Variants in SPATS2 observed in about 807,000 individuals in gnomAD.
SPATS2 encodes the protein spermatogenesis associated serine rich 2.
A neutral mutation model predicts 63.7 loss-of-function variants in SPATS2; 38 were observed. That is an observed-to-expected ratio of 0.60 (90% CI 0.46 to 0.78). The LOEUF (loss-of-function observed/expected upper bound fraction) is 0.78, where lower values mean the gene tolerates loss of function less well. SPATS2 is among the 30% of genes least tolerant of loss of function. SPATS2 has a pLI of 0.00. For synonymous variants in SPATS2, 207 were observed against 232.9 expected (o/e 0.89, Z 1.01); for missense variants, 588 against 666.2 (o/e 0.88, Z 1.29).
chr12:49,526,052 A>G lies in SPATS2; in HGVS notation c.1435A>G (p.Ser479Gly). ...RHDSMGRYRN[S>G]SWYSSGSRYQ... Reference sequence around the variant, plus strand: ...TGACAGTATGGGTCGTTACAGAAACAGCTCGTGGTATTCATCTGGTTCCAG... The same window carrying G: ...TGACAGTATGGGTCGTTACAGAAACGGCTCGTGGTATTCATCTGGTTCCAG... The change falls in exon 14 of 14, where the codon AGC (serine) becomes GGC (glycine). Residue 479 changes from serine (S) to glycine (G), a missense_variant. Coordinates refer to ENST00000552918, the MANE Select transcript of SPATS2 (RefSeq NM_023071.4). The G allele has an allele frequency of 6.2e-7, 1 of 1,614,260 alleles. No homozygotes were observed.
intron 3 of SPATS2, 45 bp downstream of exon 3, chr12:49,461,082 T>A: frequency 6.3e-7 from 1 of 1,594,020 alleles, no homozygotes; most frequent in Non-Finnish European, 8.6e-7. Flanking sequence ...ATAGTTATAA[T>A]GATCCCCATT....
intron 2 of SPATS2, among the ~76,000 whole-genome samples, chr12:49,374,250 G>C (rs1203546618): frequency 2.6e-5 from 4 of 152,074 alleles, no homozygotes; most frequent in Non-Finnish European, 5.9e-5. Context: ...TGTCACCTCA[G>C]CCTCAGTAGC....
chr12:49,511,207 A>G (rs575865636), intron 9 of SPATS2, among the ~76,000 whole-genome samples: 1 of 152,326 alleles, frequency 6.6e-6, no homozygotes, highest in South Asian at 2.1e-4. Flanking sequence ...GAAAAAAAAA[A>G]AACACATCTT....
chr12:49,442,105 T>C (rs1032151484), intron 2 of SPATS2, among the ~76,000 whole-genome samples: 1 of 152,216 alleles, frequency 6.6e-6, no homozygotes, highest in African/African-American at 2.4e-5. Context: ...TTTTGTATTA[T>C]AGGATATAAA....
chr12:49,409,029 A>G (rs1038224673), intron 2 of SPATS2, among the ~76,000 whole-genome samples: 2 of 152,206 alleles, frequency 1.3e-5, no homozygotes, highest in African/African-American at 4.8e-5. Flanking sequence ...AAAGTTGGAC[A>G]GATGGAATAA....
At chr12:49,507,366 C>G (rs1946671191) in intron 9 of SPATS2, among the ~76,000 whole-genome samples, 2 of 152,122 alleles carry the variant, frequency 1.3e-5, no homozygotes, top group African/African-American at 4.8e-5. Flanking sequence ...GAGATATGAG[C>G]AGAGGCATAG....
intron 9 of SPATS2, among the ~76,000 whole-genome samples, chr12:49,505,500 CTAGT>C (rs1946641363): frequency 6.6e-6 from 1 of 152,096 alleles, no homozygotes. Flanking sequence ...TCTGCAGAAA[CTAGT>C]TGAGCATCCC....
chr12:49,416,359 C>CT (rs1944889314), intron 2 of SPATS2, among the ~76,000 whole-genome samples: 1 of 152,182 alleles, frequency 6.6e-6, no homozygotes. Context: ...GAAGCCTTAA[C>CT]AGCTGGTGTT....
chr12:49,485,646 C>T (rs1946279004), intron 4 of SPATS2, among the ~76,000 whole-genome samples: 1 of 151,960 alleles, frequency 6.6e-6, no homozygotes. Context: ...GTCACCACAC[C>T]TGGCCAGAAG....
intron 3 of SPATS2, among the ~76,000 whole-genome samples, chr12:49,479,358 C>T (rs181365045): frequency 6.6e-5 from 10 of 152,346 alleles, no homozygotes; most frequent in African/African-American, 2.4e-4. Flanking sequence ...ATTCATAGCA[C>T]CCTGGCTCAG....
At chr12:49,411,129 A>G (rs1277943104) in intron 2 of SPATS2, among the ~76,000 whole-genome samples, 1 of 152,138 alleles carries the variant, frequency 6.6e-6, no homozygotes, top group Non-Finnish European at 1.5e-5. Context: ...GATATTTAAA[A>G]TCAGCCACAT....
chr12:49,436,460 C>T (rs1270712749), intron 2 of SPATS2, among the ~76,000 whole-genome samples: 6 of 138,634 alleles, frequency 4.3e-5, no homozygotes, highest in Non-Finnish European at 9.5e-5. Context: ...TCCTCACTTC[C>T]CAGTAGGGGC....
chr12:49,421,360 G>A (rs1944978896), intron 2 of SPATS2, among the ~76,000 whole-genome samples: 1 of 148,572 alleles, frequency 6.7e-6, no homozygotes, highest in South Asian at 2.1e-4. Flanking sequence ...AGAGGTTGTG[G>A]TGAGTGGAGA....
Position 49,487,996 on chromosome 12 carries a change from ACTT to A in SPATS2, c.106-1465_106-1463del, listed in dbSNP as rs1565746262. Among the ~76,000 whole-genome samples the A allele has an allele frequency of 2.0e-5, 3 of 151,928 alleles. No individual in the cohort carries two copies. The East Asian group carries it at 5.8e-4, about 30-fold the overall frequency. ...TTAGTTCCCTCTAGGGATTTCCCTT[ACTT>A]CTTATGTTCAGCTATACATTTAAAA... On this transcript the variant is annotated intron_variant, in intron 4 of 13. Coordinates refer to ENST00000552918, the MANE Select transcript of SPATS2 (RefSeq NM_023071.4).
chr12:49,460,584 A>G (rs563672949), intron 2 of SPATS2, among the ~76,000 whole-genome samples, 186 bp from the exon 3 acceptor site: 1 of 152,350 alleles, frequency 6.6e-6, no homozygotes, highest in Admixed American at 6.5e-5. Flanking sequence ...CTAAGAGGAT[A>G]ATCTGATTCT....
At chr12:49,385,891 C>A (rs1171869489) in intron 2 of SPATS2, among the ~76,000 whole-genome samples, 1 of 139,212 alleles carries the variant, frequency 7.2e-6, no homozygotes, top group Non-Finnish European at 1.6e-5. Context: ...TTTTTTGAGA[C>A]AGAGTCTTGC....
chr12:49,524,611 G>C, intron 12 of SPATS2, 71 bp from the exon 13 acceptor site: 1 of 1,487,872 alleles, frequency 6.7e-7, no homozygotes. Flanking sequence ...TTGTGAAATT[G>C]AGAAAGTAGA....
intron 2 of SPATS2, among the ~76,000 whole-genome samples, chr12:49,436,229 G>A (rs1945282995): frequency 6.6e-6 from 1 of 150,588 alleles, no homozygotes; most frequent in Admixed American, 6.6e-5. Context: ...CCGGGCAGAG[G>A]CGCCCCTCAC....
At chr12:49,390,068 G>C in intron 2 of SPATS2, 1 of 1,164,758 alleles carries the variant, frequency 8.6e-7, no homozygotes, top group East Asian at 2.4e-5. Flanking sequence ...TAAATAACTC[G>C]AGAATCACTT....
Sources: allele counts gnomAD v4.1 joint callset (sites outside exome capture counted in the v4.1 genomes callset), GRCh38; gene constraint gnomAD v4.1.1; transcripts MANE v1.5; gene names NCBI Gene and HGNC (gene_info 2026-07-23, HGNC 2026-07-21).